The following FBF1 variants were observed in gnomAD, a reference collection of about 807,000 sequenced individuals.
FBF1 encodes the protein Fas binding factor 1.
FBF1 carries 119 observed loss-of-function variants against 147.2 expected under a neutral mutation model. The ratio of observed to expected loss-of-function variants is 0.81; its 90% confidence interval spans 0.70 to 0.94. The LOEUF is 0.94. Among genes scored for constraint, FBF1 ranks in the 40% least tolerant of loss-of-function variants. The pLI, the probability that FBF1 is intolerant of heterozygous loss-of-function variation, is 0.00. For missense variants in FBF1, 1,449 were observed against 1,500.8 expected, an observed-to-expected ratio of 0.97 and a Z score of 0.57; for synonymous variants, 601 against 609.0, an observed-to-expected ratio of 0.99 and a Z score of 0.19.
In FBF1 at chr17:75,928,223, CTA is replaced by C; in HGVS notation, c.280-32_280-31del. ...AAAACCAGGGAGGGAGGGCAGAGGA[CTA>C]TGTCTGATAAGGGGCTGAGGACTTC... On this transcript the variant is annotated intron_variant, in intron 7 of 29. Coordinates refer to ENST00000636174, the MANE Select transcript of FBF1 (RefSeq NM_001319193.2). The surrounding 1 kb of genome is among the most constrained non-coding windows in gnomAD (Gnocchi z 4.2). 3 of 1,593,878 alleles carry C rather than the reference CTA, an allele frequency of 1.9e-6. No individual in the cohort carries two copies. The highest frequency in any genetic ancestry group is 2.6e-6 in the Non-Finnish European group (3 of 1,161,932).
Position 75,931,243 on chromosome 17 carries a change from C to G in FBF1, c.214G>C (p.Glu72Gln). Reference protein sequence around the residue: ...DVFSTMAGLEEADAEVSGISE... With the variant: ...DVFSTMAGLEQADAEVSGISE... ...GCCAGGCTCACCTCAGCATCAGCTT[C>G]TTCCAGGCCTGCCATGGTGCTGAAG... The change falls in exon 6 of 30, where the codon GAA (glutamate) becomes CAA (glutamine). Residue 72 changes from glutamate (E) to glutamine (Q), a missense_variant. Transcript: ENST00000636174. 1 of 1,578,902 alleles carries G rather than the reference C, an allele frequency of 6.3e-7. No individual in the cohort carries two copies. The highest frequency in any genetic ancestry group is 1.2e-5 in the South Asian group (1 of 85,774).
chr17:75,917,846 C>T lies in FBF1; in HGVS notation c.2391G>A (p.Leu797=). The T allele has an allele frequency of 1.2e-6, 2 of 1,603,582 alleles. No homozygotes were observed. The highest frequency in any genetic ancestry group is 1.7e-6 in the Non-Finnish European group (2 of 1,176,388). Residue 797 remains leucine (L), a synonymous_variant, in exon 23 of 30, where the codon CTG becomes CTA. Transcript: ENST00000636174. Reference sequence around the variant, plus strand: ...GCTGCTGCTGGCCCAGCCGCTCCTGCAGTGCTGGGGGCAACCCACAGGGTG... The same window carrying T: ...GCTGCTGCTGGCCCAGCCGCTCCTGTAGTGCTGGGGGCAACCCACAGGGTG... ...IRQRDEQLRA[L]QERLGQQQRD...
Position 75,910,512 on chromosome 17 carries a change from G to C in FBF1, c.*211C>G, listed in dbSNP as rs1244362173. 1.3e-5 allele frequency: 7 copies of C among 555,300 alleles called. No homozygotes were observed. The highest frequency in any genetic ancestry group is 4.9e-4 in the Middle Eastern group (1 of 2,052). 34.4% of individuals were successfully genotyped at this position (555,300 alleles called of 1,614,324 possible). On this transcript the variant is annotated 3_prime_UTR_variant, in exon 30 of 30. Transcript: ENST00000636174. This position sits in a 1 kb window ranked among gnomAD's most constrained non-coding sequence, Gnocchi z 4.1. ...GGCAGGGCAGCCAAAGCCATGGTAA[G>C]ATAGCCTACACCACAGAGCCCCAGA... is the stretch of plus-strand genomic sequence containing the variant.
intron 4 of FBF1, among the ~76,000 whole-genome samples, chr17:75,934,055 A>G (rs1002702899): frequency 1.3e-5 from 2 of 152,354 alleles, no homozygotes; most frequent in South Asian, 2.1e-4. Context: ...ATGAACTGAA[A>G]ACACATGTCC....
At position 75,940,959 on chromosome 17, in the gene FBF1, G is replaced by C. The variant is rs911450300; in HGVS notation, c.-195C>G. On this transcript the variant is annotated 5_prime_UTR_variant, in exon 1 of 30. Coordinates refer to ENST00000636174, the MANE Select transcript of FBF1 (RefSeq NM_001319193.2). ...CGGAGGTGCGGCCGCTGGGACCAGC[G>C]CCGGCCCTGGCTCCATTCGGGTCGC... The C allele has an allele frequency of 2.0e-5, 3 of 152,422 alleles. No homozygotes were observed. Among genetic ancestry groups the C allele is most frequent in the African/African-American group, 7.2e-5 (3 of 41,458 alleles). 9.4% of individuals were successfully genotyped at this position (152,422 alleles called of 1,614,324 possible).
chr17:75,912,356 C>G (rs1340264343), intron 28 of FBF1, 49 bp from the exon 29 acceptor site: 2 of 1,429,520 alleles, frequency 1.4e-6, no homozygotes, highest in African/African-American at 1.4e-5. Context: ...GGTGGAAATA[C>G]CGGGCGGTCA....
Position 75,923,214 on chromosome 17 carries a change from C to T in FBF1, c.1396G>A (p.Gly466Arg), listed in dbSNP as rs1197177234. The T allele has an allele frequency of 6.3e-7, 1 of 1,590,556 alleles. No homozygotes were observed. The highest frequency in any genetic ancestry group is 8.6e-7 in the Non-Finnish European group (1 of 1,169,206). ...AGTSEGLHLAGTAGHPPSGSQ... is the reference protein window; with the variant it reads ...AGTSEGLHLARTAGHPPSGSQ... ...CCAGAAGGGGGATGGCCCGCTGTCC[C>T]CGCCAAATGCAGGCCCTCAGAGGTC... is the stretch of plus-strand genomic sequence containing the variant. The change falls in exon 14 of 30, where the codon GGG becomes AGG. Residue 466 changes from glycine (G) to arginine (R), a missense_variant. By Grantham distance (125) the Gly-to-Arg change is moderately radical (BLOSUM62 -2). Coordinates refer to ENST00000636174, the MANE Select transcript of FBF1 (RefSeq NM_001319193.2). The surrounding 1 kb of genome is among the most constrained non-coding windows in gnomAD (Gnocchi z 4.1).
chr17:75,929,735 TG>T, intron 7 of FBF1, among the ~76,000 whole-genome samples: 1 of 152,106 alleles, frequency 6.6e-6, no homozygotes, highest in East Asian at 1.9e-4. Flanking sequence ...CCCAGCTAGG[TG>T]GGCCTCCGAG....
At chr17:75,916,191 T>C (rs1265149974) in intron 23 of FBF1, among the ~76,000 whole-genome samples, 1 of 150,944 alleles carries the variant, frequency 6.6e-6, no homozygotes, top group Non-Finnish European at 1.5e-5. Flanking sequence ...TATAGTGGCA[T>C]GCACCTGTGA....
In FBF1 at chr17:75,912,200, C is replaced by T. The variant is rs762504654; in HGVS notation, c.3355G>A (p.Ala1119Thr). Residue 1119 changes from alanine (A) to threonine (T), a missense_variant, in exon 29 of 30, where the codon GCA (alanine) becomes ACA (threonine). Coordinates refer to ENST00000636174, the MANE Select transcript of FBF1 (RefSeq NM_001319193.2). ...HARLALLRHM[A>T]EQDRDFLENE... ...GGCCAGGAGAGACTCACCTGCTCTG[C>T]CATGTGCCTCAGCAGTGCCAGCCTG... The T allele has an allele frequency of 4.4e-6, 7 of 1,607,710 alleles. No homozygotes were observed. The highest frequency in any genetic ancestry group is 5.1e-6 in the Non-Finnish European group (6 of 1,177,884).
At chr17:75,932,878 T>TAAAAAAAA in intron 5 of FBF1, 117 bp downstream of exon 5, 3 of 435,550 alleles carry the variant, frequency 6.9e-6, no homozygotes, top group East Asian at 3.7e-5. Flanking sequence ...AAATATTCTC[T>TAAAAAAAA]AAAAAAAAAA....
Position 75,922,172 on chromosome 17 carries a change from C to A in FBF1, c.1425-126G>T. On this transcript the variant is annotated intron_variant, in intron 14 of 29. Transcript: ENST00000636174. This position sits in a 1 kb window ranked among gnomAD's most constrained non-coding sequence, Gnocchi z 5.0. ...CCCCTTCCTCCTGCTTCCACCATCC[C>A]GTCTTGGGGCATTCTCCTCCCACGT... The A allele has an allele frequency of 1.4e-6, 1 of 725,596 alleles. No homozygotes were observed. The highest frequency in any genetic ancestry group is 2.6e-5 in the Admixed American group (1 of 38,216). The allele number at this position is 725,596 out of a possible 1,614,324, so 44.9% of individuals were successfully genotyped here. A position where few individuals can be genotyped will look rare whatever the true frequency, so the allele number is the denominator to read the frequency against.
In FBF1 at chr17:75,925,477, T is replaced by C; in HGVS notation, c.869-31A>G. 1 of 1,576,098 alleles carries C rather than the reference T, an allele frequency of 6.3e-7. No individual in the cohort carries two copies. Among genetic ancestry groups the C allele is most frequent in the Non-Finnish European group, 8.6e-7 (1 of 1,157,726 alleles). ...AATTAAGGAGCCTGTGACCGTGATC[T>C]GGAGTAGGGGAACCAAGCTCATTTG... On this transcript the variant is annotated intron_variant, in intron 12 of 29. Transcript: ENST00000636174. This position sits in a 1 kb window ranked among gnomAD's most constrained non-coding sequence, Gnocchi z 5.0.
In FBF1 at chr17:75,930,039, A is replaced by C; in HGVS notation, c.237T>G (p.Gly79=). 1 of 1,538,462 alleles carries C rather than the reference A, an allele frequency of 6.5e-7. No homozygotes were observed. Among genetic ancestry groups the C allele is most frequent in the Non-Finnish European group, 8.8e-7 (1 of 1,142,164 alleles). The change falls in exon 7 of 30, where the codon GGT becomes GGG. Residue 79 remains glycine, a synonymous_variant. Transcript: ENST00000636174. ...GAGCCTGTGGGTCTGCCTCTGAGAT[A>C]CCTGAAACCTAAGTCCACAATGAGG... ...GLEEADAEVS[G]ISEADPQALL...
At chr17:75,916,518 G>C (rs2144157907) in intron 23 of FBF1, among the ~76,000 whole-genome samples, 2 of 152,188 alleles carry the variant, frequency 1.3e-5, no homozygotes, top group South Asian at 4.2e-4. Flanking sequence ...TACTCAGGAA[G>C]CTGAGGCAGG....
At chr17:75,932,919 G>A in intron 5 of FBF1, 76 bp downstream of exon 5, 2 of 848,494 alleles carry the variant, frequency 2.4e-6, no homozygotes, top group East Asian at 2.8e-5. Context: ...ATGTGAAGTA[G>A]AAAGTGGGGG....
intron 13 of FBF1, among the ~76,000 whole-genome samples, chr17:75,924,083 G>A (rs1049346485): frequency 6.6e-6 from 1 of 151,992 alleles, no homozygotes; most frequent in Non-Finnish European, 1.5e-5. Flanking sequence ...GTGTGGTGGT[G>A]GGCGCCTGTA....
chr17:75,911,664 G>A (rs981232995), intron 29 of FBF1, among the ~76,000 whole-genome samples: 11 of 152,132 alleles, frequency 7.2e-5, no homozygotes, highest in Admixed American at 6.5e-4. Flanking sequence ...GAGTACAGGT[G>A]TATGCCACCA....
chr17:75,928,585 G>A lies in FBF1; in HGVS notation c.280-392C>T, dbSNP rs777772098. 1.3e-5 allele frequency among the ~76,000 whole-genome samples: 2 copies of A among 152,046 alleles called. No individual in the cohort carries two copies. The highest frequency in any genetic ancestry group is 4.8e-5 in the African/African-American group (2 of 41,362). On this transcript the variant is annotated intron_variant, in intron 7 of 29. Coordinates refer to ENST00000636174, the MANE Select transcript of FBF1 (RefSeq NM_001319193.2). The surrounding 1 kb of genome is among the most constrained non-coding windows in gnomAD (Gnocchi z 4.2). The stretch of plus-strand genomic sequence containing the variant: ...CCCAGCACTTTGGGCCGAGGCAGGT[G>A]GATCACCAGGTCAAGAAATCGAGAC...
Sources: allele counts gnomAD v4.1 joint callset (sites outside exome capture counted in the v4.1 genomes callset), GRCh38; gene constraint gnomAD v4.1.1; non-coding constraint Gnocchi (gnomAD v3.1); transcripts MANE v1.5; gene names NCBI Gene and HGNC (gene_info 2026-07-23, HGNC 2026-07-21).